The following ITGA7 variants were observed in gnomAD, a reference collection of about 807,000 sequenced individuals.
The protein encoded by ITGA7 is integrin alpha-7.
A neutral mutation model predicts 131.6 loss-of-function variants in ITGA7; 84 were observed. The ratio of observed to expected loss-of-function variants is 0.64; its 90% confidence interval spans 0.54 to 0.77. The LOEUF (loss-of-function observed/expected upper bound fraction) is 0.77, where lower values mean the gene tolerates loss of function less well. Among genes scored for constraint, ITGA7 ranks in the 30% least tolerant of loss-of-function variants. ITGA7 has a pLI of 0.00. For missense variants in ITGA7, 1,399 were observed against 1,482.9 expected (o/e 0.94, Z 0.93); for synonymous variants, 548 against 600.7 (o/e 0.91, Z 1.28).
intron 24 of ITGA7, chr12:55,686,299 G>C (rs770857534): frequency 7.5e-7 from 1 of 1,339,022 alleles, no homozygotes; most frequent in Non-Finnish European, 9.8e-7. Context: ...TGGCTGCTCC[G>C]ATGGAAGAAG....
chr12:55,696,768 G>A (rs865779817), intron 12 of ITGA7, 131 bp downstream of exon 12: 18 of 1,028,050 alleles, frequency 1.8e-5, no homozygotes, highest in Middle Eastern at 2.3e-4. Context: ...GAGCTCAGAA[G>A]ACAGGTTTCC....
intron 23 of ITGA7, 52 bp from the exon 24 acceptor site, chr12:55,688,148 G>A: frequency 6.2e-7 from 1 of 1,614,118 alleles, no homozygotes; most frequent in Non-Finnish European, 8.5e-7. Flanking sequence ...AAGAACTGGA[G>A]GGAGCAGGAA....
At position 55,699,995 on chromosome 12, in the gene ITGA7, G is replaced by T. The variant is rs1166128840; in HGVS notation, c.671-6C>A. ...GTTGGTCACAAAAAGCAACCCTGTG[G>T]GGGGTGGGGTGAGACACCAGGGAGG... On this transcript the variant is annotated splice_region_variant and splice_polypyrimidine_tract_variant and intron_variant, in intron 4 of 24. Transcript: ENST00000257879. The T allele has an allele frequency of 3.7e-6, 6 of 1,613,986 alleles. No individual in the cohort carries two copies. The highest frequency in any genetic ancestry group is 2.7e-5 in the African/African-American group (2 of 74,906).
In ITGA7 at chr12:55,698,572, G is replaced by A; in HGVS notation, c.1003C>T (p.Pro335Ser). The change falls in exon 7 of 25, where the codon CCA (proline) becomes TCA (serine). Residue 335 changes from proline (P) to serine (S), a missense_variant. Transcript: ENST00000257879. ...TAGGGGGCACCCACTATCAGGTCTG[G>A]CCAGCTATGGAGAGAGGGAAACATT... Reference protein sequence around the residue: ...AVADLNSDGWPDLIVGAPYFF... With the variant: ...AVADLNSDGWSDLIVGAPYFF... 1 of 1,614,108 alleles carries A rather than the reference G, an allele frequency of 6.2e-7. No homozygotes were observed. The highest frequency in any genetic ancestry group is 1.1e-5 in the South Asian group (1 of 91,084).
rs75366241 is a variant in ITGA7 at position 55,706,813 on chromosome 12, C to T, written c.206+664G>A. On this transcript the variant is annotated intron_variant, in intron 1 of 24. Transcript: ENST00000257879. ...CATCCTTCCTGGATCTCTCTCACTG[C>T]TACAGCTGCTGCGGCTACTACTACT... Among the ~76,000 whole-genome samples the T allele has an allele frequency of 9.0e-3, 1,370 of 152,296 alleles. 8 individuals carry two copies. Among genetic ancestry groups the T allele is most frequent in the Admixed American group, 0.011 (165 of 15,304 alleles).
chr12:55,708,668 G>T (rs905929007), upstream of ITGA7, among the ~76,000 whole-genome samples: 3 of 152,212 alleles, frequency 2.0e-5, no homozygotes, highest in Non-Finnish European at 4.4e-5. Flanking sequence ...ATTAAGCAGT[G>T]GGGAGGGGAG....
At chr12:55,701,976 A>G (rs567337601) in intron 3 of ITGA7, among the ~76,000 whole-genome samples, 1 of 146,724 alleles carries the variant, frequency 6.8e-6, no homozygotes, top group South Asian at 2.1e-4. Context: ...TGAAAGATAG[A>G]GAGAGAGAGA....
chr12:55,690,786 G>A (rs1168029029), intron 21 of ITGA7, among the ~76,000 whole-genome samples: 5 of 151,692 alleles, frequency 3.3e-5, no homozygotes, highest in African/African-American at 1.2e-4. Context: ...GGAATACTAT[G>A]CAGCCATAAA....
At chr12:55,686,044 T>C (rs1354660299) in intron 24 of ITGA7, among the ~76,000 whole-genome samples, 1 of 152,190 alleles carries the variant, frequency 6.6e-6, no homozygotes, top group Admixed American at 6.5e-5. Context: ...TACCCTTATA[T>C]CTGCACCCTT....
chr12:55,698,488 C>G lies in ITGA7; in HGVS notation c.1087G>C (p.Gly363Arg), dbSNP rs1873159118. ...GAVYVYLNQGGHWAGISPLRL... is the reference protein window; with the variant it reads ...GAVYVYLNQGRHWAGISPLRL... Reference sequence around the variant, plus strand: ...AGAGGGGAGATCCCAGCCCAGTGACCCCCCTGGTTCAAGTACACATACACA... The same window carrying G: ...AGAGGGGAGATCCCAGCCCAGTGACGCCCCTGGTTCAAGTACACATACACA... Residue 363 changes from glycine (G) to arginine (R), a missense_variant, in exon 7 of 25, where the codon GGT (glycine) becomes CGT (arginine). Coordinates refer to ENST00000257879, the MANE Select transcript of ITGA7 (RefSeq NM_002206.3). 3.1e-6 allele frequency: 5 copies of G among 1,613,958 alleles called. No individual in the cohort carries two copies. Among genetic ancestry groups the G allele is most frequent in the South Asian group, 1.1e-5 (1 of 91,082 alleles).
At chr12:55,707,965 C>T (rs1875605556), upstream of ITGA7, 13 of 1,310,084 alleles carry the variant, frequency 9.9e-6, no homozygotes, top group Non-Finnish European at 1.3e-5. Flanking sequence ...CCCCGCCCCT[C>T]GCTCCCGCGG....
chr12:55,694,096 G>A lies in ITGA7; in HGVS notation c.2460C>T (p.Phe820=), dbSNP rs1063330. ...CTCTCTCGCCCCTCACCACACCAGA[G>A]AAGAAGAGTTGCTGGGGAATGGCCA... ...AGMAIPQQLF[F]SGVVRGERAM... Residue 820 remains phenylalanine, a synonymous_variant, in exon 19 of 25, where the codon TTC becomes TTT. Coordinates refer to ENST00000257879, the MANE Select transcript of ITGA7 (RefSeq NM_002206.3). The surrounding 1 kb of genome is among the most constrained non-coding windows in gnomAD (Gnocchi z 5.3). The A allele has an allele frequency of 3.1e-6, 5 of 1,614,156 alleles. No homozygotes were observed. The Admixed American group carries it at 6.7e-5, about 22-fold the overall frequency.
In ITGA7 at chr12:55,697,011, C is replaced by T. The variant is rs17854598; in HGVS notation, c.1625G>A (p.Arg542His). 1.0e-4 allele frequency: 169 copies of T among 1,613,948 alleles called. No homozygotes were observed. Among genetic ancestry groups the T allele is most frequent in the Non-Finnish European group, 1.3e-4 (158 of 1,180,008 alleles). ...CAGGTTACGGCTCAGGAACGTCACACGGGGAACCTGGCCCCGGAGCCTCCG... is the reference window on the plus strand; with the variant it reads ...CAGGTTACGGCTCAGGAACGTCACATGGGGAACCTGGCCCCGGAGCCTCCG... ...TDRRLRGQVP[R>H]VTFLSRNLEE... The change falls in exon 12 of 25, where the codon CGT (arginine) becomes CAT (histidine). Residue 542 changes from arginine to histidine, a missense_variant. By Grantham distance (29) the Arg-to-His change is conservative. Coordinates refer to ENST00000257879, the MANE Select transcript of ITGA7 (RefSeq NM_002206.3).
intron 6 of ITGA7, 48 bp downstream of exon 6, chr12:55,698,661 GC>G: frequency 6.2e-7 from 1 of 1,608,640 alleles, no homozygotes; most frequent in East Asian, 2.2e-5. Flanking sequence ...CCAGACTGGG[GC>G]TACTAGACCC....
chr12:55,708,199 G>C (rs925435551), upstream of ITGA7, among the ~76,000 whole-genome samples: 1 of 152,106 alleles, frequency 6.6e-6, no homozygotes, highest in Admixed American at 6.5e-5. Context: ...CAGATAGAAA[G>C]AGAGGGGCTG....
At chr12:55,698,952 C>T in intron 5 of ITGA7, 35 bp from the exon 6 acceptor site, 1 of 1,559,292 alleles carries the variant, frequency 6.4e-7, no homozygotes, top group Non-Finnish European at 8.7e-7. Context: ...AAGTCTTCAC[C>T]CCAAGACTCA....
rs1208908285 is a variant in ITGA7 at position 55,696,387 on chromosome 12, A to C, written c.1783T>G (p.Tyr595Asp). 1.9e-6 allele frequency: 3 copies of C among 1,600,002 alleles called. No homozygotes were observed. Among genetic ancestry groups the C allele is most frequent in the Admixed American group, 1.7e-5 (1 of 58,536 alleles). The part of the protein sequence containing the change: ...KLRAIVVTLS[Y>D]SLQTPRLRRQ... ...CGGAGCCGAGGGGTCTGGAGACTGT[A>C]GGACAAGGTCACTACAATGGCCCGA... The change falls in exon 13 of 25, where the codon TAC becomes GAC. Residue 595 changes from tyrosine (Y) to aspartate (D), a missense_variant. Tyr to Asp is a radical substitution (Grantham distance 160, BLOSUM62 -3). Transcript: ENST00000257879.
At position 55,707,851 on chromosome 12, in the gene ITGA7, C is replaced by A; in HGVS notation, c.-169G>T. 6.8e-7 allele frequency: 1 copy of A among 1,468,356 alleles called. No individual in the cohort carries two copies. The highest frequency in any genetic ancestry group is 9.0e-7 in the Non-Finnish European group (1 of 1,111,348). 91.0% of individuals were successfully genotyped at this position (1,468,356 alleles called of 1,614,324 possible). A position where few individuals can be genotyped will look rare whatever the true frequency, so the allele number is the denominator to read the frequency against. ...CCGCCCGCCCGCCGCTCCGCCACCC[C>A]GCCGCCCCAGCACCGGCTAGGACAA... On this transcript the variant is annotated 5_prime_UTR_variant, in exon 1 of 25. Transcript: ENST00000257879.
chr12:55,705,657 G>A (rs1875024048), intron 1 of ITGA7, among the ~76,000 whole-genome samples: 1 of 152,232 alleles, frequency 6.6e-6, no homozygotes, highest in Admixed American at 6.5e-5. Context: ...TACAAGAATA[G>A]CAATACTACT....
Sources: allele counts gnomAD v4.1 joint callset (sites outside exome capture counted in the v4.1 genomes callset), GRCh38; gene constraint gnomAD v4.1.1; non-coding constraint Gnocchi (gnomAD v3.1); transcripts MANE v1.5; gene names NCBI Gene and HGNC (gene_info 2026-07-23, HGNC 2026-07-21).